ABCA6: variants seen among roughly 807,000 people sequenced by gnomAD.
The protein encoded by ABCA6 is ATP-binding cassette sub-family A member 6.
Under a neutral mutation model 191.2 loss-of-function variants are expected in ABCA6, and 164 were observed. The ratio of observed to expected loss-of-function variants is 0.86; its 90% CI spans 0.76 to 0.98. ABCA6 has a LOEUF of 0.98. Ranked by LOEUF, ABCA6 falls within the 50% of genes least tolerant of loss-of-function variation. The pLI, the probability that ABCA6 is intolerant of heterozygous loss-of-function variation, is 0.00. For synonymous variants in ABCA6, 636 were observed against 647.7 expected (o/e 0.98, Z 0.27); for missense variants, 1,958 against 1,894.1 (o/e 1.03, Z -0.63).
In ABCA6 at chr17:69,129,473, TACACACAAGG is replaced by T. The variant is rs962922317; in HGVS notation, c.933+127_933+136del. 7 of 665,546 alleles carry T rather than the reference TACACACAAGG, an allele frequency of 1.1e-5. No individual in the cohort carries two copies. The Admixed American group carries it at 2.3e-4, about 21-fold the overall frequency. 41.2% of individuals were successfully genotyped at this position (665,546 alleles called of 1,614,324 possible). On this transcript the variant is annotated intron_variant, in intron 7 of 38. Transcript: ENST00000284425. ...TTCACTCCATAGAAACTATTTCAAG[TACACACAAGG>T]ACACACACATGCACACACACAATGG...
At chr17:69,098,122 A>G (rs1011047424) in intron 22 of ABCA6, 95 bp from the exon 23 acceptor site, 1 of 890,098 alleles carries the variant, frequency 1.1e-6, no homozygotes, top group Non-Finnish European at 1.6e-6. Flanking sequence ...ATGTTGAAAA[A>G]TCAAAGTAAA....
chr17:69,126,242 C>G (rs2073751576), intron 8 of ABCA6, among the ~76,000 whole-genome samples: 1 of 152,026 alleles, frequency 6.6e-6, no homozygotes, highest in Non-Finnish European at 1.5e-5. Flanking sequence ...TCTACATTAA[C>G]AACAAATGTT....
At chr17:69,098,970 A>G (rs1170292983) in intron 22 of ABCA6, among the ~76,000 whole-genome samples, 1 of 152,240 alleles carries the variant, frequency 6.6e-6, no homozygotes, top group Non-Finnish European at 1.5e-5. Context: ...CAACAAAAAA[A>G]CAATAATTCA....
chr17:69,091,027 A>G (rs2072910289), intron 26 of ABCA6, 116 bp downstream of exon 26: 3 of 1,035,738 alleles, frequency 2.9e-6, no homozygotes, highest in Non-Finnish European at 4.1e-6. Context: ...AAAATCTCTT[A>G]TGCCCATTTG....
At chr17:69,137,844 T>C (rs911430665) in intron 2 of ABCA6, among the ~76,000 whole-genome samples, 2 of 152,176 alleles carry the variant, frequency 1.3e-5, no homozygotes, top group Admixed American at 1.3e-4. Flanking sequence ...AGATAGAGTT[T>C]ATGGTGGCAA....
rs201072725 is a variant in ABCA6, at chr17:69,096,343, G to A, written c.3305C>T (p.Thr1102Ile). The A allele has an allele frequency of 1.0e-5, 15 of 1,468,710 alleles. No homozygotes were observed. The highest frequency in any genetic ancestry group is 1.4e-5 in the South Asian group (1 of 71,152). The allele number at this position is 1,468,710 out of a possible 1,614,324, so 91.0% of individuals were successfully genotyped here. The part of the protein sequence containing the change: ...SQIVFALVIV[T>I]PGYAASLVFF... ...GACAAGAGAAGCTGCATAACCAGGA[G>A]TAACTATAACCTGAGCATAAAAGAA... Residue 1102 changes from threonine to isoleucine, a missense_variant, in exon 25 of 39, where the codon ACT becomes ATT. Coordinates refer to ENST00000284425, the MANE Select transcript of ABCA6 (RefSeq NM_080284.3).
In ABCA6 at chr17:69,129,678, T is replaced by C. The variant is rs1246912841; in HGVS notation, c.865A>G (p.Thr289Ala). 1 of 1,603,992 alleles carries C rather than the reference T, an allele frequency of 6.2e-7. No individual in the cohort carries two copies. Among genetic ancestry groups the C allele is most frequent in the Non-Finnish European group, 8.5e-7 (1 of 1,171,534 alleles). Residue 289 changes from threonine to alanine, a missense_variant, in exon 7 of 39, where the codon ACC (threonine) becomes GCC (alanine). Physicochemically the swap from Thr to Ala is moderately conservative, Grantham distance 58. Transcript: ENST00000284425. The part of the protein sequence containing the change: ...SIFVTIIITF[T>A]QIIVMTGFMV... ...AAGCCAGTCATGACTATAATTTGGG[T>C]GAATGTTATGATAATTGTAACGAAT...
chr17:69,099,368 G>A (rs2073124039), intron 22 of ABCA6, among the ~76,000 whole-genome samples: 1 of 152,104 alleles, frequency 6.6e-6, no homozygotes, highest in Non-Finnish European at 1.5e-5. Flanking sequence ...TGGGGAAGTG[G>A]GAGTGGGGAA....
chr17:69,140,149 C>T (rs550896554), intron 2 of ABCA6, among the ~76,000 whole-genome samples: 2 of 152,100 alleles, frequency 1.3e-5, no homozygotes, highest in East Asian at 3.9e-4. Flanking sequence ...TGTTAAGCCA[C>T]TGAGATTTGG....
chr17:69,133,752 A>T lies in ABCA6; in HGVS notation c.680T>A (p.Phe227Tyr), dbSNP rs891455184. The change falls in exon 6 of 39, where the codon TTC (phenylalanine) becomes TAC (tyrosine). Residue 227 changes from phenylalanine (F) to tyrosine (Y), a missense_variant. Coordinates refer to ENST00000284425, the MANE Select transcript of ABCA6 (RefSeq NM_080284.3). ...TACAAGTGGGGAGAAATGAAGCAAG[A>T]AGAATAAAATAAACATCTCATTGTG... ...LLHNEMFILF[F>Y]LLHFSPLVYF... 1.9e-6 allele frequency: 3 copies of T among 1,611,622 alleles called. No homozygotes were observed. In the African/African-American group the frequency reaches 4.0e-5, roughly 22 times the overall value.
chr17:69,126,854 T>C (rs983436971), intron 8 of ABCA6, among the ~76,000 whole-genome samples: 13 of 152,146 alleles, frequency 8.5e-5, no homozygotes, highest in Admixed American at 7.9e-4. Flanking sequence ...AAAATTTACA[T>C]AATTGCAAAG....
In ABCA6 at chr17:69,105,660, C is replaced by T. The variant is rs147326054; in HGVS notation, c.2574-32G>A. ...AATAAAGAAAAATTAGCATATTAAT[C>T]TCCAGGAATTTTATTTATTTAGTAA... On this transcript the variant is annotated intron_variant, in intron 19 of 38. Coordinates refer to ENST00000284425, the MANE Select transcript of ABCA6 (RefSeq NM_080284.3). 3.7e-5 allele frequency: 51 copies of T among 1,393,122 alleles called. No homozygotes were observed. In the African/African-American group the frequency reaches 6.3e-4, roughly 17 times the overall value. 86.3% of individuals were successfully genotyped at this position (1,393,122 alleles called of 1,614,324 possible). A position where few individuals can be genotyped will look rare whatever the true frequency, so the allele number is the denominator to read the frequency against.
Position 69,137,368 on chromosome 17 carries a change from C to T in ABCA6, c.229G>A (p.Val77Ile), listed in dbSNP as rs1423957372. The change falls in exon 3 of 39, where the codon GTT becomes ATT. Residue 77 changes from valine (V) to isoleucine (I), a missense_variant. By Grantham distance (29) the Val-to-Ile change is conservative. Coordinates refer to ENST00000284425, the MANE Select transcript of ABCA6 (RefSeq NM_080284.3). ...AAATTAGATATTGGTGTATACACAA[C>T]CATTAAAGAAGAGCTATTAAATTTA... The part of the protein sequence containing the change: ...VDKFNSSSLM[V>I]VYTPISNLTQ... 1.1e-5 allele frequency: 17 copies of T among 1,613,626 alleles called. No homozygotes were observed. The highest frequency in any genetic ancestry group is 1.4e-5 in the Non-Finnish European group (17 of 1,179,758).
At chr17:69,127,837 C>T (rs2073781374) in intron 8 of ABCA6, among the ~76,000 whole-genome samples, 1 of 151,994 alleles carries the variant, frequency 6.6e-6, no homozygotes, top group Admixed American at 6.6e-5. Context: ...TTTGTAGCAG[C>T]TTTATTAAAA....
intron 33 of ABCA6, 36 bp from the exon 34 acceptor site, chr17:69,084,391 A>G: frequency 6.2e-7 from 1 of 1,614,068 alleles, no homozygotes; most frequent in Non-Finnish European, 8.5e-7. Flanking sequence ...TTGCTGCCAT[A>G]CCACACCAGC....
intron 17 of ABCA6, 23 bp from the exon 18 acceptor site, chr17:69,107,835 G>C (rs2073338231): frequency 5.0e-6 from 7 of 1,410,654 alleles, no homozygotes; most frequent in Non-Finnish European, 7.0e-6. Flanking sequence ...AATATGAATA[G>C]ATACTTTGGA....
In ABCA6 at chr17:69,096,762, T is replaced by C. The variant is rs752907690; in HGVS notation, c.3160A>G (p.Thr1054Ala). The change falls in exon 24 of 39, where the codon ACT becomes GCT. Residue 1054 changes from threonine (T) to alanine (A), a missense_variant. Thr to Ala is a moderately conservative substitution (Grantham distance 58, BLOSUM62 0). Coordinates refer to ENST00000284425, the MANE Select transcript of ABCA6 (RefSeq NM_080284.3). ...KSQLWISGLY[T>A]SAYWCGQALV... ...GCCTGCCCACACCAGTAAGCAGAAG[T>C]GTAGAGGCCTGAAATCCATAGCTGG... The C allele has an allele frequency of 3.9e-6, 6 of 1,557,284 alleles. No individual in the cohort carries two copies. The East Asian group carries it at 1.4e-4, about 36-fold the overall frequency.
At chr17:69,101,880 C>T (rs983255867) in intron 21 of ABCA6, among the ~76,000 whole-genome samples, 3 of 152,162 alleles carry the variant, frequency 2.0e-5, no homozygotes, top group Non-Finnish European at 2.9e-5. Context: ...AAAGCGATTA[C>T]ATTTTTTATA....
intron 37 of ABCA6, among the ~76,000 whole-genome samples, 158 bp from the exon 38 acceptor site, chr17:69,079,423 G>T (rs919160195): frequency 6.6e-6 from 1 of 152,112 alleles, no homozygotes; most frequent in Non-Finnish European, 1.5e-5. Context: ...AAGCCATACA[G>T]AATTAATATA....
Sources: gnomAD v4.1 joint callset for allele counts (sites outside exome capture counted in the v4.1 genomes callset) on GRCh38, gnomAD v4.1.1 for gene constraint, MANE v1.5 for transcripts, NCBI Gene and HGNC (gene_info 2026-07-23, HGNC 2026-07-21) for gene names.